Variants in LOC400499 observed in about 807,000 individuals in gnomAD.
chr16:11,426,335 C>T, the LOC400499 span, among the ~76,000 whole-genome samples: 1 of 152,040 alleles, frequency 6.6e-6, no homozygotes, highest in Non-Finnish European at 1.5e-5. Flanking sequence ...ACTTGGGAGG[C>T]TAAAGTAGGA....
the LOC400499 span, among the ~76,000 whole-genome samples, chr16:11,481,476 C>A: frequency 6.6e-6 from 1 of 152,044 alleles, no homozygotes; most frequent in Non-Finnish European, 1.5e-5. Flanking sequence ...ACGCCTGCCA[C>A]CACACCTGGC....
the LOC400499 span, among the ~76,000 whole-genome samples, chr16:11,456,591 CGTTT>C: frequency 6.6e-6 from 1 of 152,086 alleles, no homozygotes; most frequent in Non-Finnish European, 1.5e-5. Flanking sequence ...ATAAGGTTTT[CGTTT>C]GTTTGTTTTT....
At chr16:11,524,145 C>G in the LOC400499 span, among the ~76,000 whole-genome samples, 14 of 33,136 alleles carry the variant, frequency 4.2e-4, no homozygotes, top group Non-Finnish European at 6.4e-4. Context: ...CCCACCCCCC[C>G]ATCCGTCCAT....
the LOC400499 span, among the ~76,000 whole-genome samples, chr16:11,427,377 A>G: frequency 7.0e-6 from 1 of 143,818 alleles, no homozygotes; most frequent in Non-Finnish European, 1.5e-5. Context: ...AAAAAAAAAA[A>G]AGTGCTCAAC....
the LOC400499 span, chr16:11,446,918 G>A: frequency 2.6e-6 from 4 of 1,531,268 alleles, no homozygotes; most frequent in Middle Eastern, 3.7e-4. Context: ...TGCCTGGTGT[G>A]CAGAGGGAAA....
At chr16:11,472,481 C>T in the LOC400499 span, 3 of 152,244 alleles carry the variant, frequency 2.0e-5, no homozygotes, top group African/African-American at 7.2e-5. Flanking sequence ...GCGTGAGCTA[C>T]CGTGCCCAGC....
the LOC400499 span, among the ~76,000 whole-genome samples, chr16:11,522,847 G>A: frequency 6.6e-6 from 1 of 152,230 alleles, no homozygotes; most frequent in Non-Finnish European, 1.5e-5. Context: ...ATCTGGGGGT[G>A]AGGAGAGTAA....
At chr16:11,384,048 C>G in the LOC400499 span, 1 of 1,231,654 alleles carries the variant, frequency 8.1e-7, no homozygotes, top group Non-Finnish European at 1.0e-6. Context: ...CCTGCTGGAC[C>G]ATGTGGCTCC....
At chr16:11,426,386 T>A in the LOC400499 span, among the ~76,000 whole-genome samples, 1 of 152,090 alleles carries the variant, frequency 6.6e-6, no homozygotes, top group Non-Finnish European at 1.5e-5. Flanking sequence ...CAGGTTGCAA[T>A]GAGCAGAGAT....
chr16:11,459,960 T>A, the LOC400499 span: 1 of 1,512,628 alleles, frequency 6.6e-7, no homozygotes, highest in Non-Finnish European at 8.8e-7. Flanking sequence ...GACACGGAGA[T>A]GCCTCTTGTT....
chr16:11,491,302 T>C, the LOC400499 span, among the ~76,000 whole-genome samples: 2 of 152,164 alleles, frequency 1.3e-5, no homozygotes, highest in Non-Finnish European at 2.9e-5. Flanking sequence ...ATAAAGGGAA[T>C]TGTCTCACTC....
the LOC400499 span, among the ~76,000 whole-genome samples, chr16:11,494,295 C>G: frequency 6.7e-6 from 1 of 149,028 alleles, no homozygotes; most frequent in Admixed American, 6.7e-5. Flanking sequence ...CCTTCCTGGG[C>G]ATCTCAGCCC....
chr16:11,414,701 T>C, the LOC400499 span: 3 of 396,658 alleles, frequency 7.6e-6, no homozygotes, highest in East Asian at 1.1e-4. Context: ...TCATCTGTCA[T>C]AATTTGTCCC....
At chr16:11,425,346 C>T in the LOC400499 span, 24 of 399,264 alleles carry the variant, frequency 6.0e-5, no homozygotes, top group Non-Finnish European at 9.3e-5. Context: ...GGTCACGCTG[C>T]GCACGCTGGT....
the LOC400499 span, among the ~76,000 whole-genome samples, chr16:11,463,289 G>A: frequency 2.8e-5 from 4 of 141,544 alleles, no homozygotes; most frequent in South Asian, 8.6e-4. Context: ...CAGCTGGTCA[G>A]TTTACCCAAA....
At chr16:11,511,496 G>C in the LOC400499 span, among the ~76,000 whole-genome samples, 1 of 151,990 alleles carries the variant, frequency 6.6e-6, no homozygotes, top group South Asian at 2.1e-4. Context: ...CTGTACAATG[G>C]AATATTATTC....
At chr16:11,467,856 G>A in the LOC400499 span, among the ~76,000 whole-genome samples, 1 of 152,158 alleles carries the variant, frequency 6.6e-6, no homozygotes, top group East Asian at 1.9e-4. Context: ...GACCTTATTC[G>A]GAAATAGGGT....
the LOC400499 span, chr16:11,476,900 C>G: frequency 1.0e-5 from 4 of 399,256 alleles, no homozygotes; most frequent in Non-Finnish European, 1.8e-5. Context: ...CCGGCCTGCC[C>G]CAGGATGCCC....
At chr16:11,391,711 C>A in the LOC400499 span, 1 of 1,232,292 alleles carries the variant, frequency 8.1e-7, no homozygotes, top group Non-Finnish European at 1.0e-6. Context: ...TGCAGCCACT[C>A]CAGGTAAAGA....
Sources: gnomAD v4.1 joint callset for allele counts (sites outside exome capture counted in the v4.1 genomes callset) on GRCh38, gnomAD v4.1.1 for gene constraint, MANE v1.5 for transcripts.